Variants in ARHGAP44 observed in about 807,000 individuals in gnomAD.
ARHGAP44 encodes rho GTPase-activating protein 44.
A neutral mutation model predicts 106.8 loss-of-function variants in ARHGAP44; 43 were observed. That is an observed-to-expected ratio of 0.40 (90% confidence interval 0.32 to 0.52). The LOEUF is 0.52. ARHGAP44 is among the 20% of genes least tolerant of loss of function. ARHGAP44 has a pLI of 0.48. For synonymous variants in ARHGAP44, 439 were observed against 410.3 expected (o/e 1.07, Z -0.85); for missense variants, 866 against 1,050.5 (o/e 0.82, Z 2.43).
intron 7 of ARHGAP44, among the ~76,000 whole-genome samples, chr17:12,933,303 G>A (rs2038453047): frequency 6.6e-6 from 1 of 152,160 alleles, no homozygotes. Context: ...GAAAGTTAAT[G>A]AAGTAGTAAT....
At chr17:12,808,724 G>A (rs2034352136) in intron 1 of ARHGAP44, among the ~76,000 whole-genome samples, 1 of 152,122 alleles carries the variant, frequency 6.6e-6, no homozygotes, top group Non-Finnish European at 1.5e-5. Flanking sequence ...ATATGCCCTG[G>A]GGACATTTTC....
chr17:12,932,209 A>G (rs775504760), intron 7 of ARHGAP44, among the ~76,000 whole-genome samples: 23 of 152,194 alleles, frequency 1.5e-4, no homozygotes, highest in Middle Eastern at 3.4e-3. Context: ...AATTTTTGCC[A>G]ATTTGGTGAG....
At chr17:12,872,801 A>G (rs992522835) in intron 1 of ARHGAP44, among the ~76,000 whole-genome samples, 2 of 151,786 alleles carry the variant, frequency 1.3e-5, no homozygotes, top group Non-Finnish European at 2.9e-5. Context: ...AAAAATTTCC[A>G]TTCTATTTTC....
intron 3 of ARHGAP44, among the ~76,000 whole-genome samples, chr17:12,896,949 G>A (rs1284446337): frequency 6.6e-6 from 1 of 152,190 alleles, no homozygotes; most frequent in African/African-American, 2.4e-5. Flanking sequence ...GACCTATAAA[G>A]GCCCTTGAAA....
intron 4 of ARHGAP44, among the ~76,000 whole-genome samples, chr17:12,914,777 C>A (rs1328416394): frequency 3.0e-4 from 37 of 121,392 alleles, no homozygotes; most frequent in African/African-American, 1.0e-3. Flanking sequence ...GCCTAGGCAA[C>A]AAGAGTGAAA....
At chr17:12,895,599 A>C (rs2037179443) in intron 2 of ARHGAP44, among the ~76,000 whole-genome samples, 3 of 152,120 alleles carry the variant, frequency 2.0e-5, no homozygotes, top group Non-Finnish European at 4.4e-5. Flanking sequence ...AAAAGTCAGG[A>C]AACAACAGGT....
chr17:12,977,375 C>G (rs901441481), intron 18 of ARHGAP44, among the ~76,000 whole-genome samples: 5 of 152,100 alleles, frequency 3.3e-5, no homozygotes, highest in Non-Finnish European at 5.9e-5. Flanking sequence ...CTCGTTCTGG[C>G]TCCCCCTCCC....
At chr17:12,872,307 C>A (rs1019417491) in intron 1 of ARHGAP44, among the ~76,000 whole-genome samples, 10 of 152,110 alleles carry the variant, frequency 6.6e-5, no homozygotes, top group African/African-American at 2.4e-4. Flanking sequence ...CCACTGAATT[C>A]TAATTTGGTT....
At chr17:12,909,810 CAT>C (rs1598038015) in intron 4 of ARHGAP44, among the ~76,000 whole-genome samples, 2 of 152,134 alleles carry the variant, frequency 1.3e-5, no homozygotes, top group East Asian at 3.9e-4. Context: ...TAAAGAAAAA[CAT>C]GTCTTTGGAT....
At chr17:12,978,880 G>C (rs2039764066) in intron 18 of ARHGAP44, among the ~76,000 whole-genome samples, 1 of 151,980 alleles carries the variant, frequency 6.6e-6, no homozygotes, top group African/African-American at 2.4e-5. Flanking sequence ...GTGTAGACAG[G>C]GTTTCGCCAT....
intron 1 of ARHGAP44, among the ~76,000 whole-genome samples, chr17:12,853,679 A>G (rs1488416450): frequency 1.3e-5 from 2 of 152,198 alleles, no homozygotes; most frequent in Non-Finnish European, 2.9e-5. Flanking sequence ...AATCCACTGT[A>G]GATAAAATTC....
intron 3 of ARHGAP44, among the ~76,000 whole-genome samples, chr17:12,898,829 C>G (rs2037290820): frequency 6.6e-6 from 1 of 152,210 alleles, no homozygotes; most frequent in Non-Finnish European, 1.5e-5. Flanking sequence ...AGAGAAGACA[C>G]ACAGTGGTTG....
At chr17:12,903,083 TGAGAGAGAGAGAGAGAGAGAGAGAGAGA>T (rs67363604) in intron 3 of ARHGAP44, among the ~76,000 whole-genome samples, 4 of 70,116 alleles carry the variant, frequency 5.7e-5, no homozygotes, top group African/African-American at 1.0e-4. Flanking sequence ...AGGGAATATA[TGAGAGAGAGAGAGAGAGAGAGAGAGAGA>T]GAGAGAGAGA....
intron 4 of ARHGAP44, among the ~76,000 whole-genome samples, chr17:12,913,172 CAG>C (rs750293064): frequency 1.5e-3 from 223 of 151,966 alleles, no homozygotes; most frequent in Non-Finnish European, 2.6e-3. Context: ...TAATATATAA[CAG>C]AAGAAAAAAA....
At chr17:12,926,457 TACATATATA>T (rs2077617809) in intron 6 of ARHGAP44, among the ~76,000 whole-genome samples, 1 of 116,778 alleles carries the variant, frequency 8.6e-6, no homozygotes, top group Non-Finnish European at 1.8e-5. Context: ...ATAATATATA[TACATATATA>T]ATATATATAA....
chr17:12,901,597 G>A (rs1357720896), intron 3 of ARHGAP44, among the ~76,000 whole-genome samples: 1 of 152,082 alleles, frequency 6.6e-6, no homozygotes, highest in Non-Finnish European at 1.5e-5. Flanking sequence ...GTGGATGTGG[G>A]CGTATGAAGA....
intron 1 of ARHGAP44, among the ~76,000 whole-genome samples, chr17:12,876,228 A>G (rs1346614793): frequency 6.6e-6 from 1 of 152,138 alleles, no homozygotes; most frequent in Non-Finnish European, 1.5e-5. Flanking sequence ...CACCAAAATT[A>G]TTAAAAGCAT....
At chr17:12,978,117 G>A (rs1005341819) in intron 18 of ARHGAP44, among the ~76,000 whole-genome samples, 7 of 150,344 alleles carry the variant, frequency 4.7e-5, no homozygotes, top group African/African-American at 1.7e-4. Flanking sequence ...GGATAGATGT[G>A]TGTCCAAAGG....
In ARHGAP44 at chr17:12,916,030, G is replaced by T. The variant is rs200893238; in HGVS notation, c.387+19G>T. The T allele has an allele frequency of 2.5e-6, 4 of 1,605,516 alleles. No homozygotes were observed. In the East Asian group the frequency reaches 8.9e-5, roughly 36 times the overall value. On this transcript the variant is annotated intron_variant, in intron 5 of 20. Coordinates refer to ENST00000379672, the MANE Select transcript of ARHGAP44 (RefSeq NM_014859.6). ...GGCGGAGGTAAGCAGCAGGAGTGAG[G>T]CCAGGCCTGAAAGAGCAAGGAGGTA...
Sources: allele counts gnomAD v4.1 joint callset (sites outside exome capture counted in the v4.1 genomes callset), GRCh38; gene constraint gnomAD v4.1.1; transcripts MANE v1.5; gene names NCBI Gene and HGNC (gene_info 2026-07-23, HGNC 2026-07-21).